The following SEMA3D variants were observed in gnomAD, a reference collection of about 807,000 sequenced individuals.
SEMA3D encodes semaphorin-3D.
A neutral mutation model predicts 100.1 loss-of-function variants in SEMA3D; 84 were observed. The observed-to-expected ratio is 0.84, with a 90% CI of 0.70 to 1.01. The LOEUF (loss-of-function observed/expected upper bound fraction) is 1.01. Among genes scored for constraint, SEMA3D ranks in the 50% least tolerant of loss-of-function variants. SEMA3D has a pLI of 0.00. For missense variants in SEMA3D, 875 were observed against 934.1 expected, an observed-to-expected ratio of 0.94 and a Z score of 0.82; for synonymous variants, 312 against 320.7, an observed-to-expected ratio of 0.97 and a Z score of 0.29.
chr7:85,074,856 G>A, intron 5 of SEMA3D, among the ~76,000 whole-genome samples: 1 of 152,074 alleles, frequency 6.6e-6, no homozygotes, highest in East Asian at 1.9e-4. Flanking sequence ...CTGGCCTCAA[G>A]CAATCCTCTC....
chr7:85,098,076 AAAAG>A (rs1391609809), intron 3 of SEMA3D, 111 bp from the exon 4 acceptor site: 26 of 646,946 alleles, frequency 4.0e-5, no homozygotes, highest in South Asian at 6.7e-5. Context: ...AAAGGAAAGA[AAAAG>A]AAAGAAAGAA....
At chr7:85,104,185 C>A (rs1455065644) in intron 3 of SEMA3D, among the ~76,000 whole-genome samples, 1 of 152,042 alleles carries the variant, frequency 6.6e-6, no homozygotes, top group East Asian at 1.9e-4. Flanking sequence ...TACCAGGTAT[C>A]TGCACATGCT....
chr7:85,099,172 T>C (rs1788667742), intron 3 of SEMA3D, among the ~76,000 whole-genome samples: 1 of 152,022 alleles, frequency 6.6e-6, no homozygotes, highest in Non-Finnish European at 1.5e-5. Flanking sequence ...TGATATGGTT[T>C]GGCTGTGTCC....
intron 1 of SEMA3D, among the ~76,000 whole-genome samples, chr7:85,156,379 C>T (rs1407709547): frequency 3.3e-5 from 5 of 152,032 alleles, no homozygotes; most frequent in African/African-American, 4.8e-5. Context: ...GGATTACAGG[C>T]GTGAGCCACC....
chr7:85,239,672 C>A, the SEMA3D span, among the ~76,000 whole-genome samples: 3 of 152,134 alleles, frequency 2.0e-5, no homozygotes, highest in African/African-American at 7.2e-5. Context: ...TACTCACAAA[C>A]GTTAACATTC....
At chr7:85,224,968 A>C in the SEMA3D span, among the ~76,000 whole-genome samples, 2 of 148,964 alleles carry the variant, frequency 1.3e-5, no homozygotes, top group Non-Finnish European at 3.0e-5. Flanking sequence ...TTCGAAATAC[A>C]AAATTATTAT....
intron 3 of SEMA3D, among the ~76,000 whole-genome samples, chr7:85,106,344 G>A (rs1253963910): frequency 1.3e-5 from 2 of 151,974 alleles, no homozygotes; most frequent in Non-Finnish European, 2.9e-5. Context: ...ATTTAATGTA[G>A]AAAACATCGG....
At chr7:85,221,172 G>A in the SEMA3D span, among the ~76,000 whole-genome samples, 74 of 152,078 alleles carry the variant, frequency 4.9e-4, no homozygotes, top group African/African-American at 1.4e-3. Flanking sequence ...GTTCAACTAG[G>A]CAATTTTATT....
intron 15 of SEMA3D, among the ~76,000 whole-genome samples, chr7:85,015,540 T>A (rs1363261040): frequency 1.3e-5 from 2 of 151,814 alleles, no homozygotes; most frequent in Non-Finnish European, 2.9e-5. Context: ...TTTGAGAGAT[T>A]ATGTCCAGCA....
chr7:85,165,066 A>G (rs1159434086), intron 1 of SEMA3D, among the ~76,000 whole-genome samples: 1 of 151,412 alleles, frequency 6.6e-6, no homozygotes, highest in Admixed American at 6.6e-5. Context: ...TCATTGTTCA[A>G]TTCCCACCTA....
At chr7:85,229,476 C>T in the SEMA3D span, among the ~76,000 whole-genome samples, 786 of 152,000 alleles carry the variant, frequency 5.2e-3, 11 homozygotes, top group African/African-American at 0.018. Context: ...TGGATTTTAT[C>T]TACAAAAATG....
intron 1 of SEMA3D, among the ~76,000 whole-genome samples, chr7:85,170,458 T>C (rs1461088293): frequency 6.6e-6 from 1 of 151,848 alleles, no homozygotes; most frequent in Non-Finnish European, 1.5e-5. Context: ...GTAATATCAA[T>C]GGGAAGGTTT....
At chr7:85,214,586 T>A in the SEMA3D span, among the ~76,000 whole-genome samples, 1 of 149,600 alleles carries the variant, frequency 6.7e-6, no homozygotes, top group African/African-American at 2.5e-5. Context: ...AACCTCTACC[T>A]CCCGGGTTCA....
Position 85,091,095 on chromosome 7 carries a change from A to G in SEMA3D, c.312+6710T>C, listed in dbSNP as rs907559460. ...GAAAGAGAAAGAGAGAGAAAGAGAGAGGGAGAGAGGGAGGGAGGGAAAGAA... is the reference window on the plus strand; with the variant it reads ...GAAAGAGAAAGAGAGAGAAAGAGAGGGGGAGAGAGGGAGGGAGGGAAAGAA... On this transcript the variant is annotated intron_variant, in intron 4 of 18. Transcript: ENST00000284136. 3.5e-5 allele frequency among the ~76,000 whole-genome samples: 5 copies of G among 142,506 alleles called. No individual in the cohort carries two copies. In the Admixed American group the frequency reaches 3.5e-4, roughly 10 times the overall value. 93.5% of individuals were successfully genotyped at this position (142,506 alleles called of 152,430 possible).
rs1562828147 is a variant in SEMA3D at position 85,126,408 on chromosome 7, T to TGTGTC, written c.-40-4478_-40-4477insGACAC. On this transcript the variant is annotated intron_variant, in intron 2 of 18. Transcript: ENST00000284136. The stretch of plus-strand genomic sequence containing the variant: ...TGTGTGTGTGTGTGTGTGTGTCGTG[T>TGTGTC]GTGTGTGTGTGTGTGTGTGTGTGTG... 2.3e-3 allele frequency among the ~76,000 whole-genome samples: 301 copies of TGTGTC among 130,772 alleles called. 2 individuals are homozygous for TGTGTC. Among genetic ancestry groups the TGTGTC allele is most frequent in the African/African-American group, 7.6e-3 (255 of 33,554 alleles). 85.8% of individuals were successfully genotyped at this position (130,772 alleles called of 152,430 possible). A position where few individuals can be genotyped will look rare whatever the true frequency, so the allele number is the denominator to read the frequency against.
chr7:85,107,791 G>A (rs1397774534), intron 3 of SEMA3D, among the ~76,000 whole-genome samples: 9 of 151,752 alleles, frequency 5.9e-5, no homozygotes, highest in Admixed American at 1.3e-4. Flanking sequence ...TAAATTTAAA[G>A]CCTTATAGAT....
At position 85,164,431 on chromosome 7, in the gene SEMA3D, A is replaced by G. The variant is rs1028523328; in HGVS notation, c.-172-10692T>C. Among the ~76,000 whole-genome samples the G allele has an allele frequency of 3.3e-5, 5 of 152,124 alleles. No individual in the cohort carries two copies. In the East Asian group the frequency reaches 5.8e-4, roughly 18 times the overall value. On this transcript the variant is annotated intron_variant, in intron 1 of 18. Transcript: ENST00000284136. ...TCTAAGCAGATAGAGAGCATTTTTG[A>G]GCTGCAAATCTTTAAAAAATATTTT...
intron 2 of SEMA3D, chr7:85,140,058 C>T (rs1051295857): frequency 7.2e-5 from 35 of 485,094 alleles, no homozygotes; most frequent in Non-Finnish European, 9.1e-5. Flanking sequence ...ATTACACATG[C>T]TACTATTAAT....
chr7:85,096,082 A>G (rs1217649723), intron 4 of SEMA3D, among the ~76,000 whole-genome samples: 1 of 151,996 alleles, frequency 6.6e-6, no homozygotes, highest in Admixed American at 6.6e-5. Context: ...ACTGAGACAT[A>G]TTTGGAAAAA....
Sources: allele counts gnomAD v4.1 joint callset (sites outside exome capture counted in the v4.1 genomes callset), GRCh38; gene constraint gnomAD v4.1.1; transcripts MANE v1.5; gene names NCBI Gene and HGNC (gene_info 2026-07-23, HGNC 2026-07-21).